The following LUZP2 variants were observed in gnomAD, a reference collection of about 807,000 sequenced individuals.
The protein encoded by LUZP2 is leucine zipper protein 2.
LUZP2 carries 52 observed loss-of-function variants against 51.6 expected under a neutral mutation model. The ratio of observed to expected loss-of-function variants is 1.01; its 90% CI spans 0.81 to 1.27. The LOEUF (loss-of-function observed/expected upper bound fraction) is 1.27, where lower values mean the gene tolerates loss of function less well. Ranked by LOEUF, LUZP2 falls within the 50% of genes most tolerant of loss-of-function variation. LUZP2 has a pLI of 0.00. For missense variants in LUZP2, 436 were observed against 395.4 expected, an observed-to-expected ratio of 1.10 and a Z score of -0.87; for synonymous variants, 154 against 137.3, an observed-to-expected ratio of 1.12 and a Z score of -0.85.
intron 1 of LUZP2, among the ~76,000 whole-genome samples, chr11:24,609,363 C>A (rs1277607977): frequency 6.6e-6 from 1 of 152,106 alleles, no homozygotes; most frequent in Non-Finnish European, 1.5e-5. Context: ...GTAGAAGAAG[C>A]AGCTGCTTTC....
chr11:24,969,629 C>T (rs1341960117), intron 7 of LUZP2, among the ~76,000 whole-genome samples: 1 of 152,042 alleles, frequency 6.6e-6, no homozygotes, highest in African/African-American at 2.4e-5. Context: ...TTCCAGAAAA[C>T]ATCAGTAAAT....
rs143030371 is a variant in LUZP2 at position 24,802,300 on chromosome 11, A to G, written c.396+38992A>G. On this transcript the variant is annotated intron_variant, in intron 5 of 11. Coordinates refer to ENST00000336930, the MANE Select transcript of LUZP2 (RefSeq NM_001009909.4). Reference sequence around the variant, plus strand: ...GTGTTTTATCCTGTGTGTATACTATATTTACCCATTCCTCTGTTGATAGGT... The same window carrying G: ...GTGTTTTATCCTGTGTGTATACTATGTTTACCCATTCCTCTGTTGATAGGT... Among the ~76,000 whole-genome samples the G allele has an allele frequency of 3.7e-3, 562 of 152,100 alleles. 5 individuals carry two copies. Among genetic ancestry groups the G allele is most frequent in the African/African-American group, 0.013 (533 of 41,508 alleles).
chr11:24,838,271 A>T (rs374581437), intron 5 of LUZP2, among the ~76,000 whole-genome samples: 55 of 151,772 alleles, frequency 3.6e-4, no homozygotes, highest in African/African-American at 1.3e-3. Context: ...TTTATGTTTT[A>T]TGGCATCTAG....
intron 1 of LUZP2, among the ~76,000 whole-genome samples, chr11:24,548,039 G>T (rs1037745315): frequency 2.0e-5 from 3 of 152,004 alleles, no homozygotes; most frequent in Admixed American, 2.0e-4. Context: ...TTATTAAAAG[G>T]TCAAAAAATA....
At chr11:25,064,151 G>A (rs1442507052) in intron 10 of LUZP2, among the ~76,000 whole-genome samples, 4 of 146,388 alleles carry the variant, frequency 2.7e-5, no homozygotes, top group Non-Finnish European at 6.3e-5. Context: ...ATACCATATA[G>A]TTTATTTTAT....
Position 24,742,057 on chromosome 11 carries a change from TTATATA to T in LUZP2, c.333+3769_333+3774del, listed in dbSNP as rs1554983398. Reference sequence around the variant, plus strand: ...TATAAATACATAAAAATAAATATAATTATATATATATATATATATCACCATTTCTTT... The same window carrying T: ...TATAAATACATAAAAATAAATATAATTATATATATATATCACCATTTCTTT... On this transcript the variant is annotated intron_variant, in intron 4 of 11. Coordinates refer to ENST00000336930, the MANE Select transcript of LUZP2 (RefSeq NM_001009909.4). Among the ~76,000 whole-genome samples the T allele has an allele frequency of 1.4e-3, 164 of 116,300 alleles. 11 individuals are homozygous for T. Among genetic ancestry groups the T allele is most frequent in the African/African-American group, 6.7e-3 (159 of 23,842 alleles). The allele number at this position is 116,300 out of a possible 152,430, so 76.3% of individuals were successfully genotyped here. A position where few individuals can be genotyped will look rare whatever the true frequency, so the allele number is the denominator to read the frequency against.
chr11:24,822,732 G>A (rs75978736), intron 5 of LUZP2, among the ~76,000 whole-genome samples: 3,806 of 152,074 alleles, frequency 0.025, 62 homozygotes, highest in Non-Finnish European at 0.028. Flanking sequence ...TCTCAATATT[G>A]CTTTTCATTC....
intron 5 of LUZP2, among the ~76,000 whole-genome samples, chr11:24,866,731 A>G (rs867617935): frequency 6.6e-6 from 1 of 152,192 alleles, no homozygotes; most frequent in Non-Finnish European, 1.5e-5. Flanking sequence ...GTTGTTTGGG[A>G]CTTTGAAAAT....
At chr11:24,743,204 G>GT (rs536785814) in intron 4 of LUZP2, among the ~76,000 whole-genome samples, 4 of 151,820 alleles carry the variant, frequency 2.6e-5, no homozygotes, top group South Asian at 2.1e-4. Flanking sequence ...TTTTAGAATT[G>GT]TTTTTTTCTA....
At chr11:24,876,447 A>G (rs1423584730) in intron 5 of LUZP2, among the ~76,000 whole-genome samples, 1 of 148,502 alleles carries the variant, frequency 6.7e-6, no homozygotes, top group Admixed American at 6.8e-5. Flanking sequence ...GCTCTGTTCC[A>G]TTGATCTATA....
chr11:24,774,362 C>CTCTCTCTATATATA (rs776739280), intron 5 of LUZP2, among the ~76,000 whole-genome samples: 113 of 76,300 alleles, frequency 1.5e-3, no homozygotes, highest in African/African-American at 2.2e-3. Flanking sequence ...CTCTCTCTCT[C>CTCTCTCTATATATA]TATATATATA....
chr11:25,071,137 T>C lies in LUZP2; in HGVS notation c.859-6192T>C, dbSNP rs544042031. 2.2e-3 allele frequency among the ~76,000 whole-genome samples: 333 copies of C among 152,120 alleles called. 1 individual carries two copies. Among genetic ancestry groups the C allele is most frequent in the African/African-American group, 7.8e-3 (324 of 41,560 alleles). On this transcript the variant is annotated intron_variant, in intron 10 of 11. Transcript: ENST00000336930. ...ATCTACTGAGGTATGATAATGTGTT[T>C]TATGAAACATACCTATTTGTATCTT...
intron 5 of LUZP2, among the ~76,000 whole-genome samples, chr11:24,813,209 G>A (rs969181658): frequency 1.3e-5 from 2 of 152,092 alleles, no homozygotes; most frequent in African/African-American, 4.8e-5. Context: ...TCCTCAGTAT[G>A]CACAGAATAC....
chr11:24,753,318 C>T (rs2716441), intron 4 of LUZP2, among the ~76,000 whole-genome samples: 75,744 of 151,942 alleles, frequency 0.5, 19,353 homozygotes, highest in Non-Finnish European at 0.56. Flanking sequence ...TCCATGCGCT[C>T]GCTGGACATG....
At chr11:24,870,149 A>G (rs1852016033) in intron 5 of LUZP2, among the ~76,000 whole-genome samples, 1 of 152,176 alleles carries the variant, frequency 6.6e-6, no homozygotes, top group South Asian at 2.1e-4. Flanking sequence ...AGGCTGAGAA[A>G]GATAATGAAA....
intron 1 of LUZP2, among the ~76,000 whole-genome samples, chr11:24,630,652 T>A (rs576575597): frequency 6.6e-6 from 1 of 150,608 alleles, no homozygotes; most frequent in East Asian, 1.9e-4. Context: ...TCTTTCCTTG[T>A]AATGGCTTTG....
intron 4 of LUZP2, 40 bp downstream of exon 4, chr11:24,738,342 G>T (rs185985404): frequency 8.4e-6 from 12 of 1,430,460 alleles, no homozygotes; most frequent in Non-Finnish European, 7.8e-6. Flanking sequence ...CTTTTGGGCT[G>T]GGACATTGTT....
intron 10 of LUZP2, among the ~76,000 whole-genome samples, chr11:25,073,757 C>T (rs952114944): frequency 6.6e-6 from 1 of 151,932 alleles, no homozygotes; most frequent in African/African-American, 2.4e-5. Flanking sequence ...GATTCTGTGA[C>T]ATAAAATAAT....
intron 1 of LUZP2, among the ~76,000 whole-genome samples, chr11:24,598,692 ATGCCATCTTCAAAAATAGAGGCT>A (rs920019834): frequency 1.3e-5 from 2 of 152,210 alleles, no homozygotes; most frequent in Non-Finnish European, 2.9e-5. Flanking sequence ...GCATATTATT[ATGCCATCTTCAAAAATAGAGGCT>A]TGCAATAGCC....
Sources: gnomAD v4.1 joint callset for allele counts (sites outside exome capture counted in the v4.1 genomes callset) on GRCh38, gnomAD v4.1.1 for gene constraint, MANE v1.5 for transcripts, NCBI Gene and HGNC (gene_info 2026-07-23, HGNC 2026-07-21) for gene names.